SNX7: variants seen among roughly 807,000 people sequenced by gnomAD.
SNX7 encodes the protein sorting nexin-7.
SNX7 carries 35 observed loss-of-function variants against 48.4 expected under a neutral mutation model. The observed-to-expected ratio is 0.72, with a 90% CI of 0.55 to 0.96. The LOEUF (loss-of-function observed/expected upper bound fraction) is 0.96, where lower values mean the gene tolerates loss of function less well. Ranked by LOEUF, SNX7 falls within the 40% of genes least tolerant of loss-of-function variation. The pLI, the probability that SNX7 is intolerant of heterozygous loss-of-function variation, is 0.00. For synonymous variants in SNX7, 190 were observed against 190.2 expected (o/e 1.00, Z 0.01); for missense variants, 553 against 548.9 (o/e 1.01, Z -0.07).
rs553786149 is a variant in SNX7, at chr1:98,744,018, A to G, written c.1278+5629A>G. Among the ~76,000 whole-genome samples, 11 of 152,160 alleles carry G rather than the reference A, an allele frequency of 7.2e-5. No individual in the cohort carries two copies. In the East Asian group the frequency reaches 1.4e-3, roughly 19 times the overall value. ...ACTGAAAATCAGAAAAAGTATTGAT[A>G]TGTGCTCATCTGTGAGTTGAAAGGA... On this transcript the variant is annotated intron_variant, in intron 8 of 8. Coordinates refer to ENST00000306121, the MANE Select transcript of SNX7 (RefSeq NM_015976.5).
At chr1:98,742,023 CT>C (rs1211737890) in intron 8 of SNX7, among the ~76,000 whole-genome samples, 1 of 152,118 alleles carries the variant, frequency 6.6e-6, no homozygotes, top group Non-Finnish European at 1.5e-5. Context: ...TTGGCAACAG[CT>C]ATTAATATAA....
Position 98,738,832 on chromosome 1 carries a change from T to G in SNX7, c.1278+443T>G, listed in dbSNP as rs926167615. ...ACAACATCTTTTTTTAAGTTCATTT[T>G]GTTTTTCAGATGATTGTATTTCAAT... On this transcript the variant is annotated intron_variant, in intron 8 of 8. Coordinates refer to ENST00000306121, the MANE Select transcript of SNX7 (RefSeq NM_015976.5). 3.9e-5 allele frequency among the ~76,000 whole-genome samples: 6 copies of G among 152,304 alleles called. No homozygotes were observed. The East Asian group carries it at 1.2e-3, about 29-fold the overall frequency.
At position 98,677,990 on chromosome 1, in the gene SNX7, C is replaced by CATGT. The variant is rs1553197439; in HGVS notation, c.181-6895_181-6894insATGT. Among the ~76,000 whole-genome samples, 3,583 of 141,852 alleles carry CATGT rather than the reference C, an allele frequency of 0.025. 272 individuals are homozygous for CATGT. The East Asian group carries it at 0.31, about 12-fold the overall frequency. The allele number at this position is 141,852 out of a possible 152,430, so 93.1% of individuals were successfully genotyped here. A position where few individuals can be genotyped will look rare whatever the true frequency, so the allele number is the denominator to read the frequency against. ...AGCTGTATGAGTCTGTGTGTGTGTGCGTGTGTGTGTGTGTGTGTGTGTGTG... is the reference window on the plus strand; with the variant it reads ...AGCTGTATGAGTCTGTGTGTGTGTGCATGTGTGTGTGTGTGTGTGTGTGTGTGTG... On this transcript the variant is annotated intron_variant, in intron 1 of 8. Coordinates refer to ENST00000306121, the MANE Select transcript of SNX7 (RefSeq NM_015976.5).
At chr1:98,686,495 T>G (rs1462516440) in intron 2 of SNX7, among the ~76,000 whole-genome samples, 3 of 152,138 alleles carry the variant, frequency 2.0e-5, no homozygotes, top group Non-Finnish European at 4.4e-5. Flanking sequence ...CTCAGTGAGT[T>G]TGTGAGTTTC....
At chr1:98,661,461 C>G (rs1383855343), upstream of SNX7, among the ~76,000 whole-genome samples, 1 of 152,118 alleles carries the variant, frequency 6.6e-6, no homozygotes, top group Non-Finnish European at 1.5e-5. Context: ...ACCTTTGAGT[C>G]TCTCCTCTTC....
chr1:98,677,977 CTGTGTGTGTGTGCGTGTGTGTGTGTG>C (rs1650263879), intron 1 of SNX7, among the ~76,000 whole-genome samples: 1 of 142,910 alleles, frequency 7.0e-6, no homozygotes, highest in Non-Finnish European at 1.5e-5. Flanking sequence ...CTGTATGAGT[CTGTGTGTGTGTGCGTGTGTGTGTGTG>C]TGTGTGTGTG....
intron 1 of SNX7, among the ~76,000 whole-genome samples, chr1:98,670,921 G>A (rs1166246887): frequency 1.3e-5 from 2 of 151,800 alleles, no homozygotes; most frequent in Non-Finnish European, 2.9e-5. Flanking sequence ...GAGCAATGAG[G>A]AAAGTTATTA....
At position 98,684,939 on chromosome 1, in the gene SNX7, T is replaced by A; in HGVS notation, c.235T>A (p.Leu79Ile). ...CAGCCCTATGATGCCAACATCCCCT[T>A]TATCAATGATAAACCAAATCAAGTT... ...SFSPMMPTSP[L>I]SMINQIKFED... is the part of the protein sequence containing the mutation. Residue 79 changes from leucine (L) to isoleucine (I), a missense_variant, in exon 2 of 9, where the codon TTA becomes ATA. Transcript: ENST00000306121. 1.3e-6 allele frequency: 2 copies of A among 1,596,268 alleles called. No individual in the cohort carries two copies. The highest frequency in any genetic ancestry group is 1.7e-6 in the Non-Finnish European group (2 of 1,170,110).
At chr1:98,754,058 TCTC>T (rs1421050601) in intron 8 of SNX7, among the ~76,000 whole-genome samples, 1 of 152,116 alleles carries the variant, frequency 6.6e-6, no homozygotes, top group Non-Finnish European at 1.5e-5. Flanking sequence ...TTGTGGAACT[TCTC>T]CTTTATTCCT....
intron 7 of SNX7, among the ~76,000 whole-genome samples, chr1:98,708,751 T>G (rs1652145591): frequency 6.6e-6 from 1 of 152,158 alleles, no homozygotes; most frequent in South Asian, 2.1e-4. Context: ...TTGGCTTGAG[T>G]GGTAGGTACA....
chr1:98,682,093 T>C (rs574328492), intron 1 of SNX7, among the ~76,000 whole-genome samples: 71 of 82,900 alleles, frequency 8.6e-4, no homozygotes, highest in Non-Finnish European at 1.3e-3. Context: ...TTTTTGTCCT[T>C]CTTTTACTTC....
At chr1:98,700,667 T>C (rs545003701) in intron 6 of SNX7, among the ~76,000 whole-genome samples, 1 of 152,082 alleles carries the variant, frequency 6.6e-6, no homozygotes, top group East Asian at 1.9e-4. Context: ...ACCTCTTTCT[T>C]CCAAAGTGCT....
chr1:98,759,911 A>G lies in SNX7; in HGVS notation c.1279-143A>G, dbSNP rs1438842759. 3 of 581,832 alleles carry G rather than the reference A, an allele frequency of 5.2e-6. No individual in the cohort carries two copies. The African/African-American group carries it at 5.6e-5, about 11-fold the overall frequency. The allele number at this position is 581,832 out of a possible 1,614,324, so 36.0% of individuals were successfully genotyped here. On this transcript the variant is annotated intron_variant, in intron 8 of 8. Transcript: ENST00000306121. ...CCTCATTAAGAATTAAAATATGTAG[A>G]AAATGACAAGGATTCTGACAAGCTG...
At chr1:98,728,398 A>G (rs1653306920) in intron 7 of SNX7, among the ~76,000 whole-genome samples, 1 of 151,388 alleles carries the variant, frequency 6.6e-6, no homozygotes, top group Non-Finnish European at 1.5e-5. Context: ...ACTAAAGTCT[A>G]TAAAATAACC....
At chr1:98,742,022 G>A (rs4907999) in intron 8 of SNX7, among the ~76,000 whole-genome samples, 75,577 of 151,916 alleles carry the variant, frequency 0.5, 19,228 homozygotes, top group African/African-American at 0.6. Flanking sequence ...CTTGGCAACA[G>A]CTATTAATAT....
At chr1:98,724,380 G>A (rs895935163) in intron 7 of SNX7, among the ~76,000 whole-genome samples, 4 of 151,436 alleles carry the variant, frequency 2.6e-5, no homozygotes, top group East Asian at 3.9e-4. Flanking sequence ...CAGAAATGCC[G>A]CTTTTTGTAT....
intron 7 of SNX7, among the ~76,000 whole-genome samples, chr1:98,720,170 C>T (rs564151152): frequency 6.6e-6 from 1 of 151,754 alleles, no homozygotes; most frequent in South Asian, 2.1e-4. Flanking sequence ...CTTGTCTACC[C>T]CCACTCTTTG....
At chr1:98,671,287 C>T (rs1045307338) in intron 1 of SNX7, among the ~76,000 whole-genome samples, 1 of 152,084 alleles carries the variant, frequency 6.6e-6, no homozygotes, top group Non-Finnish European at 1.5e-5. Context: ...AGATTTTGCT[C>T]ATTTTAAACA....
chr1:98,701,051 C>T (rs767719102), intron 6 of SNX7, among the ~76,000 whole-genome samples: 6 of 151,958 alleles, frequency 3.9e-5, no homozygotes, highest in Non-Finnish European at 7.4e-5. Flanking sequence ...AAAAAGAGTC[C>T]TTGTATCCTT....
Sources: allele counts gnomAD v4.1 joint callset (sites outside exome capture counted in the v4.1 genomes callset), GRCh38; gene constraint gnomAD v4.1.1; transcripts MANE v1.5; gene names NCBI Gene and HGNC (gene_info 2026-07-23, HGNC 2026-07-21).